Variants in GTF2F2 observed in about 807,000 individuals in gnomAD.
The protein encoded by GTF2F2 is ATP-dependent helicase GTF2F2.
A neutral mutation model predicts 42.2 loss-of-function variants in GTF2F2; 23 were observed. The observed-to-expected ratio is 0.55, with a 90% CI of 0.39 to 0.77. The LOEUF is 0.77. Ranked by LOEUF, GTF2F2 falls within the 30% of genes least tolerant of loss-of-function variation. GTF2F2 has a pLI of 0.00. For missense variants in GTF2F2, 261 were observed against 287.2 expected, an observed-to-expected ratio of 0.91 and a Z score of 0.66; for synonymous variants, 105 against 100.8, an observed-to-expected ratio of 1.04 and a Z score of -0.25.
intron 7 of GTF2F2, among the ~76,000 whole-genome samples, chr13:45,278,160 G>C (rs936031742): frequency 6.6e-6 from 1 of 152,162 alleles, no homozygotes; most frequent in East Asian, 1.9e-4. Flanking sequence ...CGGAAGGAAG[G>C]AGCAAAAGAC....
chr13:45,229,394 G>T lies in GTF2F2; in HGVS notation c.386+21889G>T, dbSNP rs186664733. Among the ~76,000 whole-genome samples the T allele has an allele frequency of 8.6e-5, 13 of 152,026 alleles. 1 individual carries two copies. The highest frequency in any genetic ancestry group is 3.3e-4 in the Admixed American group (5 of 15,258). On this transcript the variant is annotated intron_variant, in intron 5 of 7. Transcript: ENST00000340473. ...CCTCCCTATCCTCCTCCAGGCAGCT[G>T]CCCCCTCTTCCCATGTGCTTCACTT...
intron 4 of GTF2F2, among the ~76,000 whole-genome samples, chr13:45,204,548 T>C (rs535937190): frequency 1.3e-5 from 2 of 152,214 alleles, no homozygotes; most frequent in Non-Finnish European, 2.9e-5. Context: ...ACTTTTAAAA[T>C]AAAATTTAAT....
At position 45,257,778 on chromosome 13, in the gene GTF2F2, A is replaced by T. The variant is rs141835606; in HGVS notation, c.486+4808A>T. ...AAATACTATGTAGATTGACCCTGGC[A>T]TCTTTTTGCAGCTCCTGTGCTAGTC... On this transcript the variant is annotated intron_variant, in intron 6 of 7. Transcript: ENST00000340473. 2.2e-3 allele frequency among the ~76,000 whole-genome samples: 329 copies of T among 152,326 alleles called. 3 individuals are homozygous for T. The highest frequency in any genetic ancestry group is 7.6e-3 in the African/African-American group (314 of 41,584).
chr13:45,180,635 T>G (rs940107502), intron 4 of GTF2F2, among the ~76,000 whole-genome samples: 2 of 152,184 alleles, frequency 1.3e-5, no homozygotes. Context: ...GTACTTTTAT[T>G]TCTACATGTT....
chr13:45,157,207 A>T lies in GTF2F2; in HGVS notation c.304+5376A>T, dbSNP rs550723608. Among the ~76,000 whole-genome samples, 13 of 152,318 alleles carry T rather than the reference A, an allele frequency of 8.5e-5. 1 individual carries two copies. The South Asian group carries it at 1.2e-3, about 15-fold the overall frequency. ...ATGACTAATGCTCCAAGTTGGGAAC[A>T]AGACTGGCATGTTCACGGAGTGGCC... On this transcript the variant is annotated intron_variant, in intron 4 of 7. Coordinates refer to ENST00000340473, the MANE Select transcript of GTF2F2 (RefSeq NM_004128.3).
intron 2 of GTF2F2, among the ~76,000 whole-genome samples, chr13:45,139,334 C>CA (rs1254523377): frequency 6.6e-6 from 1 of 152,084 alleles, no homozygotes; most frequent in Non-Finnish European, 1.5e-5. Flanking sequence ...AAGTAAAAAT[C>CA]AAAAAATGTA....
At chr13:45,277,516 C>G (rs899193314) in intron 7 of GTF2F2, among the ~76,000 whole-genome samples, 2 of 152,190 alleles carry the variant, frequency 1.3e-5, no homozygotes, top group African/African-American at 4.8e-5. Flanking sequence ...CACCTCTCCC[C>G]AGGCCTCACC....
At chr13:45,212,828 G>A (rs896973066) in intron 5 of GTF2F2, among the ~76,000 whole-genome samples, 5 of 151,722 alleles carry the variant, frequency 3.3e-5, no homozygotes, top group Admixed American at 6.6e-5. Context: ...TACAACCTCC[G>A]CCTCCCACCT....
intron 5 of GTF2F2, among the ~76,000 whole-genome samples, chr13:45,216,811 G>A (rs775719740): frequency 1.6e-4 from 24 of 151,614 alleles, no homozygotes; most frequent in African/African-American, 4.1e-4. Flanking sequence ...GAACCACCGC[G>A]CCGGCCCAAA....
intron 5 of GTF2F2, among the ~76,000 whole-genome samples, chr13:45,218,851 G>A (rs949450443): frequency 3.3e-5 from 5 of 152,142 alleles, no homozygotes; most frequent in South Asian, 2.1e-4. Flanking sequence ...AATATTCCTA[G>A]TAGTTTGTCA....
At chr13:45,274,694 C>T (rs1046586433) in intron 7 of GTF2F2, among the ~76,000 whole-genome samples, 1 of 152,104 alleles carries the variant, frequency 6.6e-6, no homozygotes, top group East Asian at 1.9e-4. Context: ...TAACCCCCAG[C>T]ACTTTGGGAA....
chr13:45,146,935 A>G (rs1168451348), intron 2 of GTF2F2, among the ~76,000 whole-genome samples: 1 of 152,256 alleles, frequency 6.6e-6, no homozygotes, highest in Non-Finnish European at 1.5e-5. Flanking sequence ...TGTACTTCAT[A>G]CATTCACACA....
intron 4 of GTF2F2, among the ~76,000 whole-genome samples, chr13:45,186,788 C>CG (rs1566127762): frequency 6.6e-6 from 1 of 151,912 alleles, no homozygotes; most frequent in Non-Finnish European, 1.5e-5. Flanking sequence ...CCTGTTTTAA[C>CG]GAGGCAAAAA....
chr13:45,177,695 C>T (rs948793981), intron 4 of GTF2F2, among the ~76,000 whole-genome samples: 16 of 152,072 alleles, frequency 1.1e-4, no homozygotes, highest in Non-Finnish European at 2.1e-4. Flanking sequence ...CTTAAAGTGC[C>T]TCCTCTAAAT....
intron 4 of GTF2F2, 40 bp from the exon 5 acceptor site, chr13:45,207,384 A>G (rs201298913): frequency 5.1e-6 from 6 of 1,179,470 alleles, no homozygotes; most frequent in African/African-American, 4.5e-5. Context: ...CTTGAAAATG[A>G]TAAGTATTAT....
intron 5 of GTF2F2, among the ~76,000 whole-genome samples, chr13:45,225,142 T>A (rs1874277066): frequency 6.6e-6 from 1 of 152,214 alleles, no homozygotes; most frequent in South Asian, 2.1e-4. Flanking sequence ...ACCCTGACAA[T>A]TCCGATGTAG....
At chr13:45,230,417 G>A (rs1175848503) in intron 5 of GTF2F2, among the ~76,000 whole-genome samples, 1 of 152,084 alleles carries the variant, frequency 6.6e-6, no homozygotes, top group East Asian at 1.9e-4. Context: ...GGGGTAAAGT[G>A]GACAGGATTA....
chr13:45,185,672 G>A (rs7981597), intron 4 of GTF2F2, among the ~76,000 whole-genome samples: 31,454 of 152,000 alleles, frequency 0.21, 3,488 homozygotes, highest in African/African-American at 0.23. Flanking sequence ...CATAATATAT[G>A]CATATTCCAG....
intron 7 of GTF2F2, among the ~76,000 whole-genome samples, chr13:45,280,808 G>A (rs1877230697): frequency 6.6e-6 from 1 of 152,174 alleles, no homozygotes; most frequent in South Asian, 2.1e-4. Flanking sequence ...TAGACTTGAA[G>A]TCAGGAGAGC....
Sources: gnomAD v4.1 joint callset for allele counts (sites outside exome capture counted in the v4.1 genomes callset) on GRCh38, gnomAD v4.1.1 for gene constraint, MANE v1.5 for transcripts, NCBI Gene and HGNC (gene_info 2026-07-23, HGNC 2026-07-21) for gene names.